Variants in AP1G1 observed in about 807,000 individuals in gnomAD.
AP1G1 encodes the protein adaptor related protein complex 1 subunit gamma 1, also known as AP-1 complex subunit gamma-1.
A neutral mutation model predicts 108.3 loss-of-function variants in AP1G1; 7 were observed. The observed-to-expected ratio is 0.06, with a 90% confidence interval of 0.04 to 0.12. AP1G1 has a LOEUF of 0.12. AP1G1 is among the 10% of genes least tolerant of loss of function. AP1G1 has a pLI of 1.00. For synonymous variants in AP1G1, 379 were observed against 353.5 expected (o/e 1.07, Z -0.81); for missense variants, 756 against 1,010.7 (o/e 0.75, Z 3.42).
At chr16:71,759,775 T>A (rs962555556) in intron 10 of AP1G1, among the ~76,000 whole-genome samples, 2 of 151,198 alleles carry the variant, frequency 1.3e-5, no homozygotes, top group Admixed American at 6.6e-5. Flanking sequence ...AAAAAAAAAT[T>A]AATTAAATTA....
intron 1 of AP1G1, among the ~76,000 whole-genome samples, chr16:71,805,919 G>T (rs1488731342): frequency 6.6e-6 from 1 of 152,060 alleles, no homozygotes; most frequent in Non-Finnish European, 1.5e-5. Context: ...TACGTGGAGG[G>T]CTGAGGCAGG....
chr16:71,739,737 ACT>A (rs1371211617), intron 19 of AP1G1, among the ~76,000 whole-genome samples: 2 of 148,336 alleles, frequency 1.3e-5, no homozygotes, highest in African/African-American at 5.0e-5. Flanking sequence ...ACAGAGCGAG[ACT>A]CTGTCGCAAA....
In AP1G1 at chr16:71,744,131, C is replaced by G. The variant is rs575476871; in HGVS notation, c.1999+1013G>C. ...TGGTGGTGCGTGCCTGTGATCCCAGCTACTCAGGAGGCTGAGGCAGAAGAA... is the reference window on the plus strand; with the variant it reads ...TGGTGGTGCGTGCCTGTGATCCCAGGTACTCAGGAGGCTGAGGCAGAAGAA... On this transcript the variant is annotated intron_variant, in intron 19 of 22. Transcript: ENST00000299980. Among the ~76,000 whole-genome samples, 425 of 152,002 alleles carry G rather than the reference C, an allele frequency of 2.8e-3. 2 individuals are homozygous for G. Among genetic ancestry groups the G allele is most frequent in the African/African-American group, 9.8e-3 (406 of 41,440 alleles).
intron 1 of AP1G1, among the ~76,000 whole-genome samples, chr16:71,791,435 G>C (rs527629895): frequency 3.9e-5 from 6 of 152,132 alleles, no homozygotes; most frequent in Non-Finnish European, 8.8e-5. Flanking sequence ...CTGCTTAAAG[G>C]CATATTTAAC....
At chr16:71,773,161 G>A in intron 4 of AP1G1, 60 bp downstream of exon 4, 2 of 1,566,270 alleles carry the variant, frequency 1.3e-6, no homozygotes, top group Non-Finnish European at 1.7e-6. Flanking sequence ...TGAGTAATCT[G>A]CCTTCTCATC....
chr16:71,805,256 T>G (rs951391072), intron 1 of AP1G1, among the ~76,000 whole-genome samples: 7 of 152,032 alleles, frequency 4.6e-5, no homozygotes, highest in African/African-American at 1.7e-4. Flanking sequence ...GAGACCAGCC[T>G]AGCCAACATG....
In AP1G1 at chr16:71,732,455, T is replaced by C. The variant is rs2045483757; in HGVS notation, c.*603A>G. 1 of 152,706 alleles carries C rather than the reference T, an allele frequency of 6.5e-6. No homozygotes were observed. Among genetic ancestry groups the C allele is most frequent in the Non-Finnish European group, 1.5e-5 (1 of 68,250 alleles). 9.5% of individuals were successfully genotyped at this position (152,706 alleles called of 1,614,324 possible). On this transcript the variant is annotated 3_prime_UTR_variant, in exon 23 of 23. Transcript: ENST00000299980. The stretch of plus-strand genomic sequence containing the variant: ...ACAAACATACATGTGTGTGTCTGTG[T>C]GTATACAGCAATGCACAGAAAAGGC...
At chr16:71,768,989 A>AAC (rs1416282846) in intron 6 of AP1G1, among the ~76,000 whole-genome samples, 6 of 142,668 alleles carry the variant, frequency 4.2e-5, no homozygotes, top group South Asian at 2.3e-4. Flanking sequence ...AAAAAAAAAA[A>AAC]AAAAAAAAAC....
chr16:71,774,154 G>T (rs1004164974), intron 3 of AP1G1, among the ~76,000 whole-genome samples: 1 of 149,824 alleles, frequency 6.7e-6, no homozygotes, highest in African/African-American at 2.4e-5. Flanking sequence ...GAGGTGCATG[G>T]ATAATCTGAG....
In AP1G1 at chr16:71,761,516, T is replaced by C; in HGVS notation, c.970A>G (p.Ile324Val). The C allele has an allele frequency of 6.3e-7, 1 of 1,589,528 alleles. No individual in the cohort carries two copies. Among genetic ancestry groups the C allele is most frequent in the Non-Finnish European group, 8.6e-7 (1 of 1,158,164 alleles). Reference sequence around the variant, plus strand: ...GACATATTTCAGTTAACTTACCTAATATTCTTGTCATTGTTCAATAAGAAA... The same window carrying C: ...GACATATTTCAGTTAACTTACCTAACATTCTTGTCATTGTTCAATAAGAAA... Reference protein sequence around the residue: ...GRFLLNNDKNIRYVALTSLLK... With the variant: ...GRFLLNNDKNVRYVALTSLLK... The change falls in exon 10 of 23, where the codon ATT becomes GTT. Residue 324 changes from isoleucine (I) to valine (V), a missense_variant. By Grantham distance (29) the Ile-to-Val change is conservative (BLOSUM62 3). This residue lies in a region of AP1G1 where 304 missense variants were observed against 483.6 expected (regional missense o/e 0.63). Transcript: ENST00000299980.
At position 71,732,409 on chromosome 16, in the gene AP1G1, A is replaced by C. The variant is rs930121925; in HGVS notation, c.*649T>G. The C allele has an allele frequency of 1.3e-5, 2 of 152,602 alleles. No individual in the cohort carries two copies. Among genetic ancestry groups the C allele is most frequent in the African/African-American group, 4.8e-5 (2 of 41,464 alleles). The allele number at this position is 152,602 out of a possible 1,614,324, so 9.5% of individuals were successfully genotyped here. ...TCCAGTGTTTACAAATAAACTCGCA[A>C]GGTCTGACCAGTTCTTGGTAACAAA... On this transcript the variant is annotated 3_prime_UTR_variant, in exon 23 of 23. Coordinates refer to ENST00000299980, the MANE Select transcript of AP1G1 (RefSeq NM_001128.6).
chr16:71,774,401 C>T (rs1364655433), intron 3 of AP1G1, 67 bp downstream of exon 3: 4 of 1,551,464 alleles, frequency 2.6e-6, no homozygotes, highest in East Asian at 2.3e-5. Context: ...AAGACTCCGT[C>T]TCAAAGAAAA....
chr16:71,737,764 A>G (rs1448853769), intron 21 of AP1G1, among the ~76,000 whole-genome samples: 1 of 152,298 alleles, frequency 6.6e-6, no homozygotes, highest in Admixed American at 6.5e-5. Context: ...TCTAAATGCC[A>G]TATTTCACAT....
rs755523637 is a variant in AP1G1 at position 71,808,821 on chromosome 16, G to C, written c.-62C>G. On this transcript the variant is annotated 5_prime_UTR_variant, in exon 1 of 23. Coordinates refer to ENST00000299980, the MANE Select transcript of AP1G1 (RefSeq NM_001128.6). ...GGGGGCGGCGGCAGCAGTGGCAGCA[G>C]GAACCGAACATCCAAAATGGCGGCT... The C allele has an allele frequency of 1.6e-6, 2 of 1,289,586 alleles. No individual in the cohort carries two copies. The highest frequency in any genetic ancestry group is 1.0e-6 in the Non-Finnish European group (1 of 988,826). 79.9% of individuals were successfully genotyped at this position (1,289,586 alleles called of 1,614,324 possible). A position where few individuals can be genotyped will look rare whatever the true frequency, so the allele number is the denominator to read the frequency against.
chr16:71,758,540 G>C (rs1488653332), intron 11 of AP1G1: 5 of 587,230 alleles, frequency 8.5e-6, no homozygotes, highest in South Asian at 7.1e-5. Context: ...TGTGCCTGTT[G>C]TATTTATCAA....
intron 11 of AP1G1, among the ~76,000 whole-genome samples, chr16:71,757,399 C>T (rs528055763): frequency 1.7e-5 from 2 of 120,912 alleles, no homozygotes; most frequent in African/African-American, 5.7e-5. Flanking sequence ...TGCAGTGAGC[C>T]GAGGTCGCAC....
At chr16:71,806,667 A>G (rs950074482) in intron 1 of AP1G1, 1 of 1,279,672 alleles carries the variant, frequency 7.8e-7, no homozygotes, top group Admixed American at 2.3e-5. Flanking sequence ...TTCAGTAGTA[A>G]CTGCGAGGGC....
chr16:71,797,078 T>C (rs2032613733), intron 1 of AP1G1, among the ~76,000 whole-genome samples: 1 of 150,860 alleles, frequency 6.6e-6, no homozygotes, highest in African/African-American at 2.4e-5. Context: ...AAAGGCCAAG[T>C]AAACAATGAT....
intron 2 of AP1G1, among the ~76,000 whole-genome samples, chr16:71,786,462 C>A (rs1212732129): frequency 6.6e-6 from 1 of 151,672 alleles, no homozygotes; most frequent in Non-Finnish European, 1.5e-5. Flanking sequence ...TCCAACTCAA[C>A]AAAAATTTTT....
Sources: gnomAD v4.1 joint callset for allele counts (sites outside exome capture counted in the v4.1 genomes callset) on GRCh38, gnomAD v4.1.1 for gene constraint, gnomAD v4.1.1 regional missense constraint, MANE v1.5 for transcripts, NCBI Gene and HGNC (gene_info 2026-07-23, HGNC 2026-07-21) for gene names.